The following KAZN variants were observed in gnomAD, a reference collection of about 807,000 sequenced individuals.
KAZN encodes the protein kazrin, periplakin interacting protein.
In KAZN, 40 loss-of-function variants were observed where a neutral mutation model predicts 87.4. The observed-to-expected ratio is 0.46, with a 90% confidence interval of 0.36 to 0.60. KAZN has a LOEUF of 0.60. Ranked by LOEUF, KAZN falls within the 20% of genes least tolerant of loss-of-function variation. The pLI is 0.00. For missense variants in KAZN, 898 were observed against 1,073.9 expected (o/e 0.84, Z 2.29); for synonymous variants, 466 against 458.3 (o/e 1.02, Z -0.22).
rs373381126 is a variant in KAZN at position 14,159,606 on chromosome 1, G to A, written c.92-20829G>A. Among the ~76,000 whole-genome samples the A allele has an allele frequency of 4.8e-4, 73 of 152,298 alleles. 1 individual carries two copies. The South Asian group carries it at 0.014, about 30-fold the overall frequency. On this transcript the variant is annotated intron_variant, in intron 1 of 16. Coordinates refer to the KAZN transcript ENST00000636203. ...CTACTTGGTGCTCTACCCCTCAGTG[G>A]CCAAGCAGGTACCTAAGGTGCAAGA...
chr1:14,994,121 T>C (rs1667639301), intron 2 of KAZN, among the ~76,000 whole-genome samples: 1 of 152,222 alleles, frequency 6.6e-6, no homozygotes, highest in Admixed American at 6.5e-5. Flanking sequence ...CAAGCCATCC[T>C]CAGAAGGGGA....
At chr1:14,812,877 C>A (rs964986013) in intron 1 of KAZN, among the ~76,000 whole-genome samples, 1 of 152,102 alleles carries the variant, frequency 6.6e-6, no homozygotes, top group Non-Finnish European at 1.5e-5. Flanking sequence ...GCGTGGCTGG[C>A]AGAAAAGAAG....
chr1:14,683,105 T>C (rs189946270), intron 1 of KAZN, among the ~76,000 whole-genome samples: 3 of 152,252 alleles, frequency 2.0e-5, no homozygotes, highest in Admixed American at 1.3e-4. Flanking sequence ...CGTGATGGGA[T>C]GGGAAATGTG....
intron 2 of KAZN, among the ~76,000 whole-genome samples, chr1:14,326,531 G>T (rs1369064120): frequency 6.6e-6 from 1 of 152,100 alleles, no homozygotes; most frequent in African/African-American, 2.4e-5. Flanking sequence ...AGTGAACTTG[G>T]ATCAAGTTGT....
chr1:15,043,633 C>CTTTTT (rs71000361), intron 3 of KAZN, among the ~76,000 whole-genome samples: 1 of 72,574 alleles, frequency 1.4e-5, no homozygotes, highest in Non-Finnish European at 2.5e-5. Flanking sequence ...CTCCCCACTT[C>CTTTTT]TTTTTTTTTT....
At chr1:14,102,409 T>TG (rs1265387769) in intron 1 of KAZN, among the ~76,000 whole-genome samples, 6 of 151,902 alleles carry the variant, frequency 3.9e-5, no homozygotes, top group African/African-American at 7.3e-5. Flanking sequence ...CCAATGGCCA[T>TG]GGTGTCCACC....
intron 2 of KAZN, among the ~76,000 whole-genome samples, chr1:14,404,658 A>G (rs1663686135): frequency 6.6e-6 from 1 of 152,180 alleles, no homozygotes; most frequent in Non-Finnish European, 1.5e-5. Context: ...AATGTCTGTA[A>G]ATAGGAGAAA....
chr1:14,595,285 T>C (rs566960759), upstream of KAZN, among the ~76,000 whole-genome samples: 1 of 152,298 alleles, frequency 6.6e-6, no homozygotes, highest in East Asian at 1.9e-4. Flanking sequence ...GCAGCCATTG[T>C]GGAAAACATA....
intron 2 of KAZN, among the ~76,000 whole-genome samples, chr1:14,437,735 C>CT (rs1666481724): frequency 1.3e-5 from 2 of 152,182 alleles, no homozygotes; most frequent in African/African-American, 4.8e-5. Context: ...TGCTGAGAGC[C>CT]GCGTGCAGTT....
At chr1:13,915,576 G>C (rs746856539) in intron 1 of KAZN, among the ~76,000 whole-genome samples, 2 of 152,192 alleles carry the variant, frequency 1.3e-5, no homozygotes, top group African/African-American at 2.4e-5. Context: ...CCCTGGGGCT[G>C]TGTGCACCAA....
chr1:14,558,051 T>A (rs1674018876), intron 2 of KAZN, among the ~76,000 whole-genome samples: 1 of 152,220 alleles, frequency 6.6e-6, no homozygotes, highest in Admixed American at 6.5e-5. Context: ...ACAGTGCCAC[T>A]CTTGTGATAA....
chr1:14,036,839 GT>G (rs1341291152), intron 1 of KAZN, among the ~76,000 whole-genome samples: 1 of 152,054 alleles, frequency 6.6e-6, no homozygotes, highest in East Asian at 1.9e-4. Flanking sequence ...GAGTGCAGTG[GT>G]GCAATCTCGG....
chr1:14,117,093 G>A (rs986438825), intron 1 of KAZN, among the ~76,000 whole-genome samples: 7 of 152,136 alleles, frequency 4.6e-5, no homozygotes, highest in Admixed American at 6.5e-5. Flanking sequence ...ATGAGACTTC[G>A]GACTGTGGAT....
At chr1:14,710,119 A>G (rs1642409414) in intron 1 of KAZN, among the ~76,000 whole-genome samples, 1 of 152,148 alleles carries the variant, frequency 6.6e-6, no homozygotes, top group African/African-American at 2.4e-5. Context: ...TCAAGAGGAG[A>G]AACAGATAAT....
chr1:14,346,144 T>C (rs2794611), intron 2 of KAZN, among the ~76,000 whole-genome samples: 146,995 of 152,250 alleles, frequency 0.97, 70,997 homozygotes, highest in South Asian at 0.98. Context: ...GACTTTGGGC[T>C]CACAGTGACC....
At chr1:14,084,448 C>T (rs116841358) in intron 1 of KAZN, among the ~76,000 whole-genome samples, 1 of 152,092 alleles carries the variant, frequency 6.6e-6, no homozygotes, top group Non-Finnish European at 1.5e-5. Context: ...AATATATTGC[C>T]AAATCCCCTG....
intron 1 of KAZN, among the ~76,000 whole-genome samples, chr1:14,911,244 C>T (rs974476949): frequency 6.6e-6 from 1 of 152,244 alleles, no homozygotes; most frequent in Admixed American, 6.5e-5. Flanking sequence ...TACTGATTTG[C>T]TGTGGGCCTA....
intron 2 of KAZN, among the ~76,000 whole-genome samples, chr1:15,022,843 G>A (rs533475188): frequency 5.9e-5 from 9 of 152,314 alleles, no homozygotes; most frequent in East Asian, 3.9e-4. Flanking sequence ...GCACAGCTGC[G>A]GGTTCTACCT....
At chr1:15,033,439 G>T (rs1671936945) in intron 2 of KAZN, among the ~76,000 whole-genome samples, 1 of 152,194 alleles carries the variant, frequency 6.6e-6, no homozygotes, top group South Asian at 2.1e-4. Context: ...ATGCCTAGGA[G>T]TAGAATCGCA....
Sources: allele counts gnomAD v4.1 joint callset (sites outside exome capture counted in the v4.1 genomes callset), GRCh38; gene constraint gnomAD v4.1.1; transcripts MANE v1.5; gene names NCBI Gene and HGNC (gene_info 2026-07-23, HGNC 2026-07-21).